Variants in ATF7 observed in about 807,000 individuals in gnomAD.
The protein encoded by ATF7 is cyclic AMP-dependent transcription factor ATF-7.
ATF7 carries 10 observed loss-of-function variants against 50.4 expected under a neutral mutation model. The ratio of observed to expected loss-of-function variants is 0.20; its 90% CI spans 0.12 to 0.34. ATF7 has a LOEUF of 0.34. Among genes scored for constraint, ATF7 ranks in the 10% least tolerant of loss-of-function variants. The pLI, the probability that ATF7 is intolerant of heterozygous loss-of-function variation, is 1.00. For synonymous variants in ATF7, 201 were observed against 226.4 expected, an observed-to-expected ratio of 0.89 and a Z score of 1.01; for missense variants, 465 against 613.9, an observed-to-expected ratio of 0.76 and a Z score of 2.56.
chr12:53,620,740 C>G lies in ATF7; in HGVS notation c.-22+5539G>C, dbSNP rs1406907817. Among the ~76,000 whole-genome samples the G allele has an allele frequency of 4.6e-5, 7 of 150,628 alleles. 1 individual carries two copies. ...CTCTAGCCTGGGGAACACAGCGAGA[C>G]TTCGTCTCAAAAAAAAAAAGAAAAA... On this transcript the variant is annotated intron_variant, in intron 1 of 11. Transcript: ENST00000420353.
intron 6 of ATF7, 121 bp downstream of exon 6, chr12:53,534,381 G>C (rs1261575456): frequency 1.4e-6 from 2 of 1,410,006 alleles, no homozygotes; most frequent in African/African-American, 2.8e-5. Context: ...TTTATTTTGA[G>C]AGATAATCTC....
intron 3 of ATF7, among the ~76,000 whole-genome samples, chr12:53,550,320 T>C (rs899173795): frequency 9.4e-5 from 9 of 95,864 alleles, no homozygotes; most frequent in Non-Finnish European, 1.8e-4. Context: ...TGAGACCCTG[T>C]CTCAAAAAAA....
At chr12:53,508,107 T>A (rs543789847), downstream of ATF7, 1 of 151,984 alleles carries the variant, frequency 6.6e-6, no homozygotes, top group Non-Finnish European at 1.5e-5. Context: ...GGAGTTTCGC[T>A]CTTTTTGCCC....
At chr12:53,575,155 C>T (rs1382484317) in intron 2 of ATF7, among the ~76,000 whole-genome samples, 1 of 151,950 alleles carries the variant, frequency 6.6e-6, no homozygotes, top group Admixed American at 6.6e-5. Context: ...TGCCTGTAAT[C>T]CCAGCACTTT....
At chr12:53,613,964 GC>G (rs1944004337) in intron 1 of ATF7, among the ~76,000 whole-genome samples, 1 of 151,954 alleles carries the variant, frequency 6.6e-6, no homozygotes, top group Non-Finnish European at 1.5e-5. Context: ...TGGATTTCAA[GC>G]TCAGACATGC....
At chr12:53,612,288 TTTTTC>T (rs947443726) in intron 1 of ATF7, among the ~76,000 whole-genome samples, 23 of 149,006 alleles carry the variant, frequency 1.5e-4, no homozygotes, top group African/African-American at 5.7e-4. Flanking sequence ...TGCATTTTTC[TTTTTC>T]TTTTCTTTTT....
chr12:53,619,861 T>G (rs1944306661), intron 1 of ATF7, among the ~76,000 whole-genome samples: 1 of 151,130 alleles, frequency 6.6e-6, no homozygotes, highest in African/African-American at 2.4e-5. Context: ...TGTCAAAAAA[T>G]CTGGCCAGGC....
intron 2 of ATF7, among the ~76,000 whole-genome samples, chr12:53,579,128 C>T (rs1565973178): frequency 6.6e-6 from 1 of 151,994 alleles, no homozygotes; most frequent in Admixed American, 6.6e-5. Context: ...CCTGTAGTCC[C>T]TGCTACTTGG....
intron 2 of ATF7, among the ~76,000 whole-genome samples, chr12:53,598,530 G>A (rs956563461): frequency 6.6e-6 from 1 of 152,172 alleles, no homozygotes; most frequent in African/African-American, 2.4e-5. Flanking sequence ...GACAGAAGTA[G>A]GGGAAGGAAA....
At chr12:53,530,980 T>C (rs2137373167) in intron 9 of ATF7, among the ~76,000 whole-genome samples, 1 of 152,298 alleles carries the variant, frequency 6.6e-6, no homozygotes, top group South Asian at 2.1e-4. Context: ...TGTTGTAAAA[T>C]CTTATCAGGT....
intron 1 of ATF7, among the ~76,000 whole-genome samples, chr12:53,620,219 A>G (rs565951670): frequency 6.6e-6 from 1 of 152,096 alleles, no homozygotes; most frequent in South Asian, 2.1e-4. Context: ...TAGGTGGATC[A>G]CTTGAGGTCA....
chr12:53,533,121 C>T lies in ATF7; in HGVS notation c.660+39G>A, dbSNP rs555554746. The T allele has an allele frequency of 1.2e-4, 177 of 1,520,450 alleles. 4 individuals are homozygous for T. In the South Asian group the frequency reaches 1.5e-3, roughly 13 times the overall value. The allele number at this position is 1,520,450 out of a possible 1,614,324, so 94.2% of individuals were successfully genotyped here. ...CATTCAGGTGGAAGGGAAGGATTAC[C>T]ATGTTGGTAGGGTTGGCTGCCCCAA... On this transcript the variant is annotated intron_variant, in intron 7 of 11. Coordinates refer to ENST00000420353, the MANE Select transcript of ATF7 (RefSeq NM_006856.3).
intron 3 of ATF7, among the ~76,000 whole-genome samples, chr12:53,547,834 C>T (rs1268959385): frequency 6.6e-6 from 1 of 151,872 alleles, no homozygotes; most frequent in African/African-American, 2.4e-5. Context: ...ACTCTGTTAT[C>T]CAGGCTGGAG....
rs148864061 is a variant in ATF7 at position 53,523,578 on chromosome 12, A to G, written c.1126-194T>C. ...ATGAATTCAATGACAGGAGTTGCTTACAGTGAAAAGTCAGGATTTATAATA... is the reference window on the plus strand; with the variant it reads ...ATGAATTCAATGACAGGAGTTGCTTGCAGTGAAAAGTCAGGATTTATAATA... On this transcript the variant is annotated intron_variant, in intron 10 of 11. Coordinates refer to ENST00000420353, the MANE Select transcript of ATF7 (RefSeq NM_006856.3). Among the ~76,000 whole-genome samples the G allele has an allele frequency of 3.0e-4, 46 of 152,344 alleles. 1 individual carries two copies. Among genetic ancestry groups the G allele is most frequent in the African/African-American group, 1.1e-3 (45 of 41,578 alleles).
At chr12:53,616,476 C>T (rs903299957) in intron 1 of ATF7, among the ~76,000 whole-genome samples, 1 of 151,966 alleles carries the variant, frequency 6.6e-6, no homozygotes, top group East Asian at 1.9e-4. Flanking sequence ...CCCACCTCAG[C>T]CTCCCAAAGT....
At chr12:53,552,426 A>G in intron 3 of ATF7, 115 bp downstream of exon 3, 1 of 743,556 alleles carries the variant, frequency 1.3e-6, no homozygotes, top group Admixed American at 2.6e-5. Flanking sequence ...AATGCAGATC[A>G]CATAAGGGCT....
intron 1 of ATF7, among the ~76,000 whole-genome samples, chr12:53,621,551 G>C (rs1175761617): frequency 1.3e-5 from 2 of 152,038 alleles, no homozygotes. Context: ...GGAGTTCAAG[G>C]TGGGTGGATC....
chr12:53,528,126 C>T (rs1938589699), intron 9 of ATF7, among the ~76,000 whole-genome samples: 1 of 151,936 alleles, frequency 6.6e-6, no homozygotes, highest in African/African-American at 2.4e-5. Flanking sequence ...CAGATGTGAG[C>T]CACCCTGCCC....
intron 3 of ATF7, among the ~76,000 whole-genome samples, chr12:53,547,837 G>A (rs917221343): frequency 1.3e-5 from 2 of 151,998 alleles, no homozygotes; most frequent in African/African-American, 2.4e-5. Flanking sequence ...CTGTTATCCA[G>A]GCTGGAGTGC....
Sources: allele counts gnomAD v4.1 joint callset (sites outside exome capture counted in the v4.1 genomes callset), GRCh38; gene constraint gnomAD v4.1.1; transcripts MANE v1.5; gene names NCBI Gene and HGNC (gene_info 2026-07-23, HGNC 2026-07-21).